C12orf42: variants seen among roughly 807,000 people sequenced by gnomAD.
C12orf42 encodes uncharacterized protein C12orf42.
In C12orf42, 25 loss-of-function variants were observed where a neutral mutation model predicts 21.6. That is an observed-to-expected ratio of 1.16 (90% confidence interval 0.84 to 1.62). The LOEUF is 1.62. Among genes scored for constraint, C12orf42 ranks in the 40% most tolerant of loss-of-function variants. The pLI is 0.00. For synonymous variants in C12orf42, 174 were observed against 175.0 expected, an observed-to-expected ratio of 0.99 and a Z score of 0.05; for missense variants, 483 against 459.3, an observed-to-expected ratio of 1.05 and a Z score of -0.47.
the C12orf42 span, among the ~76,000 whole-genome samples, chr12:103,563,561 C>T: frequency 6.6e-6 from 1 of 152,218 alleles, no homozygotes; most frequent in Non-Finnish European, 1.5e-5. Flanking sequence ...TCTGCTATCT[C>T]ATCTTAGCTC....
the C12orf42 span, chr12:103,505,585 G>T: frequency 6.0e-6 from 2 of 332,726 alleles, no homozygotes; most frequent in South Asian, 2.5e-5. Flanking sequence ...GGACATGGTG[G>T]TCTAGCCCAT....
At chr12:103,105,287 A>G in the C12orf42 span, among the ~76,000 whole-genome samples, 1 of 152,342 alleles carries the variant, frequency 6.6e-6, no homozygotes, top group African/African-American at 2.4e-5. Context: ...TTCAGATATT[A>G]TTATGTCCAA....
chr12:103,531,090 C>A, the C12orf42 span, among the ~76,000 whole-genome samples: 57 of 152,194 alleles, frequency 3.7e-4, no homozygotes, highest in Non-Finnish European at 6.3e-4. Flanking sequence ...CACTGTAAGA[C>A]TAATGAGGCA....
chr12:103,277,712 C>T (rs1441323920), intron 4 of C12orf42, among the ~76,000 whole-genome samples: 5 of 151,916 alleles, frequency 3.3e-5, no homozygotes, highest in African/African-American at 9.7e-5. Flanking sequence ...CTCCACCTCC[C>T]GGGTTCACGC....
intron 1 of C12orf42, among the ~76,000 whole-genome samples, chr12:103,481,379 G>A (rs143237793): frequency 3.3e-5 from 5 of 151,870 alleles, no homozygotes; most frequent in South Asian, 2.1e-4. Flanking sequence ...TACCATACAG[G>A]AAAAGTCTTA....
At chr12:103,507,724 C>T in the C12orf42 span, among the ~76,000 whole-genome samples, 21,859 of 151,576 alleles carry the variant, frequency 0.14, 1,721 homozygotes, top group South Asian at 0.21. Context: ...AACCTTTCAT[C>T]GACACACGTG....
At chr12:103,091,163 T>G in the C12orf42 span, among the ~76,000 whole-genome samples, 3 of 152,184 alleles carry the variant, frequency 2.0e-5, no homozygotes, top group Non-Finnish European at 4.4e-5. Flanking sequence ...TTCTAGCACA[T>G]TCATGTGGGA....
At chr12:103,380,254 T>G (rs913472417) in intron 3 of C12orf42, among the ~76,000 whole-genome samples, 8 of 152,130 alleles carry the variant, frequency 5.3e-5, no homozygotes, top group Admixed American at 5.2e-4. Flanking sequence ...TTCTAACAAA[T>G]AAGAAGTAGA....
the C12orf42 span, among the ~76,000 whole-genome samples, chr12:103,506,572 GT>G: frequency 6.6e-6 from 1 of 151,244 alleles, no homozygotes; most frequent in Non-Finnish European, 1.5e-5. Flanking sequence ...ATAGTAACAT[GT>G]TGTGCAGGTT....
chr12:103,426,983 A>G (rs968221347), intron 2 of C12orf42, among the ~76,000 whole-genome samples: 1 of 152,220 alleles, frequency 6.6e-6, no homozygotes, highest in African/African-American at 2.4e-5. Context: ...AGAAAAAACC[A>G]GTACCAGCCA....
rs190884112 is a variant in C12orf42 at position 103,309,094 on chromosome 12, C to G, written c.260-2749G>C. 4.6e-5 allele frequency among the ~76,000 whole-genome samples: 7 copies of G among 152,258 alleles called. No homozygotes were observed. In the South Asian group the frequency reaches 1.0e-3, roughly 23 times the overall value. On this transcript the variant is annotated intron_variant, in intron 4 of 5. Transcript: ENST00000548883. ...AAAAATAAATTTATGTTGCTTTAAG[C>G]CAGGTGGTTTGTGATACTTTCTTAT...
chr12:103,105,128 T>C, the C12orf42 span, among the ~76,000 whole-genome samples: 1 of 152,138 alleles, frequency 6.6e-6, no homozygotes, highest in Non-Finnish European at 1.5e-5. Context: ...GTACACTGTA[T>C]AGAGACTCTT....
At chr12:103,539,603 G>A in the C12orf42 span, among the ~76,000 whole-genome samples, 14 of 149,700 alleles carry the variant, frequency 9.4e-5, no homozygotes, top group African/African-American at 3.5e-4. Flanking sequence ...CTTTTGAGAT[G>A]GAGTCTCACT....
the C12orf42 span, among the ~76,000 whole-genome samples, chr12:103,092,274 G>A: frequency 3.3e-5 from 5 of 152,284 alleles, no homozygotes; most frequent in East Asian, 7.7e-4. Context: ...TGTTCCGGGG[G>A]ATATGCTTTG....
At chr12:103,423,612 A>G (rs1949552649) in intron 2 of C12orf42, among the ~76,000 whole-genome samples, 1 of 152,200 alleles carries the variant, frequency 6.6e-6, no homozygotes, top group Non-Finnish European at 1.5e-5. Context: ...ATGTGCTTCC[A>G]TTGCATGTTC....
At chr12:103,067,880 C>A in the C12orf42 span, among the ~76,000 whole-genome samples, 17 of 152,138 alleles carry the variant, frequency 1.1e-4, no homozygotes, top group African/African-American at 3.9e-4. Flanking sequence ...TACTACTCCA[C>A]AACAGAGGCA....
At chr12:103,419,007 C>T (rs1450620579) in intron 2 of C12orf42, among the ~76,000 whole-genome samples, 1 of 152,068 alleles carries the variant, frequency 6.6e-6, no homozygotes, top group Non-Finnish European at 1.5e-5. Context: ...CTAAGTCAGT[C>T]TTGGGATATC....
At chr12:103,300,323 G>A (rs557648647), downstream of C12orf42, among the ~76,000 whole-genome samples, 1 of 152,250 alleles carries the variant, frequency 6.6e-6, no homozygotes, top group Non-Finnish European at 1.5e-5. Context: ...GACTCTCTAA[G>A]AGGGTACATG....
At chr12:103,075,647 C>T in the C12orf42 span, among the ~76,000 whole-genome samples, 6 of 152,082 alleles carry the variant, frequency 3.9e-5, no homozygotes, top group Admixed American at 3.3e-4. Flanking sequence ...AATTGTATTT[C>T]TAAGTCTTTA....
Sources: gnomAD v4.1 joint callset for allele counts (sites outside exome capture counted in the v4.1 genomes callset) on GRCh38, gnomAD v4.1.1 for gene constraint, MANE v1.5 for transcripts, NCBI Gene and HGNC (gene_info 2026-07-23, HGNC 2026-07-21) for gene names.